Variants in GLG1 observed in about 807,000 individuals in gnomAD.
The protein encoded by GLG1 is Golgi apparatus protein 1.
Under a neutral mutation model 160.5 loss-of-function variants are expected in GLG1, and 38 were observed. The ratio of observed to expected loss-of-function variants is 0.24; its 90% confidence interval spans 0.18 to 0.31. The LOEUF (loss-of-function observed/expected upper bound fraction) is 0.31. Ranked by LOEUF, GLG1 falls within the 10% of genes least tolerant of loss-of-function variation. The probability of loss-of-function intolerance (pLI) is 1.00; values close to 1 mark genes in which losing one functional copy is unlikely to be tolerated. For missense variants in GLG1, 1,373 were observed against 1,505.2 expected, an observed-to-expected ratio of 0.91 and a Z score of 1.45; for synonymous variants, 644 against 543.4, an observed-to-expected ratio of 1.19 and a Z score of -2.57.
At chr16:74,460,830 G>C (rs1250277846) in intron 22 of GLG1, among the ~76,000 whole-genome samples, 3 of 152,226 alleles carry the variant, frequency 2.0e-5, no homozygotes, top group African/African-American at 7.2e-5. Flanking sequence ...TGATTCCACA[G>C]GAGCAAGGTT....
chr16:74,470,171 A>G (rs2015145457), intron 15 of GLG1, 98 bp from the exon 16 acceptor site: 1 of 764,192 alleles, frequency 1.3e-6, no homozygotes, highest in Admixed American at 1.8e-5. Flanking sequence ...AAGCCTGTTT[A>G]CAAGACCCTG....
intron 2 of GLG1, among the ~76,000 whole-genome samples, chr16:74,520,596 A>G (rs2017131412): frequency 6.6e-6 from 1 of 152,200 alleles, no homozygotes; most frequent in Non-Finnish European, 1.5e-5. Context: ...AGATCACACC[A>G]TTGCACTCCA....
intron 2 of GLG1, among the ~76,000 whole-genome samples, chr16:74,528,378 T>C (rs1473103127): frequency 6.6e-6 from 1 of 152,178 alleles, no homozygotes; most frequent in African/African-American, 2.4e-5. Context: ...ATTTTACATT[T>C]ATTGTTTCAT....
rs528626416 is a variant in GLG1 at position 74,543,098 on chromosome 16, G to A, written c.439-10945C>T. On this transcript the variant is annotated intron_variant, in intron 1 of 25. Transcript: ENST00000422840. ...TGTTTACTTGAACTGGCCTAAGCAA[G>A]AGCAAATAGGGCTGAGCTGCCAGAA... 2.4e-3 allele frequency among the ~76,000 whole-genome samples: 369 copies of A among 151,990 alleles called. 5 individuals carry two copies. The highest frequency in any genetic ancestry group is 5.4e-3 in the South Asian group (26 of 4,806).
chr16:74,535,037 A>G (rs1216422214), intron 1 of GLG1, among the ~76,000 whole-genome samples: 2 of 152,188 alleles, frequency 1.3e-5, no homozygotes, highest in Non-Finnish European at 2.9e-5. Context: ...AGAACATGGT[A>G]GTACAAAGAA....
In GLG1 at chr16:74,496,609, C is replaced by A; in HGVS notation, c.810G>T (p.Leu270Phe). The A allele has an allele frequency of 1.2e-6, 2 of 1,612,858 alleles. No homozygotes were observed. Among genetic ancestry groups the A allele is most frequent in the Non-Finnish European group, 1.7e-6 (2 of 1,179,056 alleles). Reference sequence around the variant, plus strand: ...CTGCTTCTTTCACCAGGCCTTTCTCCAAGCATGATACCACCTCACCTTGTG... The same window carrying A: ...CTGCTTCTTTCACCAGGCCTTTCTCAAAGCATGATACCACCTCACCTTGTG... ...AHSQGEVVSC[L>F]EKGLVKEAEE... Residue 270 changes from leucine (L) to phenylalanine (F), a missense_variant, in exon 5 of 26, where the codon TTG becomes TTT. Leu to Phe is a conservative substitution (Grantham distance 22). This residue lies in a region of GLG1 where 174 missense variants were observed against 229.9 expected (regional missense o/e 0.76). Coordinates refer to ENST00000422840, the MANE Select transcript of GLG1 (RefSeq NM_001145667.2).
In GLG1 at chr16:74,485,887, C is replaced by G; in HGVS notation, c.1480G>C (p.Gly494Arg). 1 of 1,611,938 alleles carries G rather than the reference C, an allele frequency of 6.2e-7. No homozygotes were observed. Among genetic ancestry groups the G allele is most frequent in the Non-Finnish European group, 8.5e-7 (1 of 1,178,200 alleles). The change falls in exon 9 of 26, where the codon GGT becomes CGT. Residue 494 changes from glycine to arginine, a missense_variant. Around this residue, in one of 4 missense-constraint regions of GLG1, gnomAD observed 386 missense variants for 388.5 expected, o/e 0.99. Coordinates refer to ENST00000422840, the MANE Select transcript of GLG1 (RefSeq NM_001145667.2). ...LQTLIQETDP[G>R]ADYRIDRALN... ...GCTCGATCAATGCGGTAATCTGCAC[C>G]AGGGTCAGTCTCCTGAATCAGTGTT... is the stretch of plus-strand genomic sequence containing the variant.
intron 1 of GLG1, among the ~76,000 whole-genome samples, chr16:74,570,084 T>C (rs996485497): frequency 6.6e-6 from 1 of 151,896 alleles, no homozygotes; most frequent in Admixed American, 6.6e-5. Flanking sequence ...CATAATTTTA[T>C]TGAAAAGACA....
At position 74,453,254 on chromosome 16, in the gene GLG1, G is replaced by C. The variant is rs372790552; in HGVS notation, c.3453C>G (p.Ile1151Met). The change falls in exon 26 of 26, where the codon ATC (isoleucine) becomes ATG (methionine). Residue 1151 changes from isoleucine (I) to methionine (M), a missense_variant. Around this residue, in one of 4 missense-constraint regions of GLG1, gnomAD observed 491 missense variants for 632.1 expected, o/e 0.78. Transcript: ENST00000422840. The part of the protein sequence containing the change: ...SPSKNYILSV[I>M]SGSICILFLI... ...GGAACAATATACAGATGCTCCCACT[G>C]ATCACAGAGAGAATGTAGTTCTTAG... 3.7e-6 allele frequency: 6 copies of C among 1,613,208 alleles called. No homozygotes were observed. In the African/African-American group the frequency reaches 6.7e-5, roughly 18 times the overall value.
At chr16:74,503,076 G>A (rs764691348) in intron 4 of GLG1, among the ~76,000 whole-genome samples, 86 of 151,832 alleles carry the variant, frequency 5.7e-4, no homozygotes, top group Non-Finnish European at 1.0e-3. Context: ...GCGTGGTGGT[G>A]CATGCCTGTA....
chr16:74,559,196 A>T (rs1340147632), intron 1 of GLG1, among the ~76,000 whole-genome samples: 1 of 152,038 alleles, frequency 6.6e-6, no homozygotes, highest in Admixed American at 6.6e-5. Context: ...GAGGTATCTG[A>T]GTACATTTCC....
rs371713178 is a variant in GLG1, at chr16:74,491,124, T to C, written c.1326A>G (p.Leu442=). 6.2e-7 allele frequency: 1 copy of C among 1,613,996 alleles called. No homozygotes were observed. Among genetic ancestry groups the C allele is most frequent in the East Asian group, 2.2e-5 (1 of 44,890 alleles). ...GGTGTTCAATCTCCCCCCGACAGCT[T>C]AGGATGATCTCAGGGCTCAGAGAAA... The part of the protein sequence containing the change: ...EDFSLSPEII[L]SCRGEIEHHC... The change falls in exon 8 of 26, where the codon CTA becomes CTG. Residue 442 remains leucine (L), a synonymous_variant. Transcript: ENST00000422840.
At chr16:74,486,923 T>TCC (rs1470752326) in intron 8 of GLG1, among the ~76,000 whole-genome samples, 80 of 133,054 alleles carry the variant, frequency 6.0e-4, no homozygotes, top group Non-Finnish European at 8.3e-4. Flanking sequence ...TCTTTTTTTT[T>TCC]TCCCCCCCGA....
At chr16:74,504,230 A>G (rs1205507509) in intron 3 of GLG1, among the ~76,000 whole-genome samples, 1 of 152,178 alleles carries the variant, frequency 6.6e-6, no homozygotes, top group Non-Finnish European at 1.5e-5. Context: ...TGTTAGGCAA[A>G]CCTAAGGGCC....
At chr16:74,570,022 A>C (rs1597357560) in intron 1 of GLG1, among the ~76,000 whole-genome samples, 2 of 152,038 alleles carry the variant, frequency 1.3e-5, no homozygotes, top group South Asian at 2.1e-4. Context: ...TCTCAAAAAA[A>C]AGAAAAGGAA....
At chr16:74,463,735 G>T (rs76911802) in intron 19 of GLG1, among the ~76,000 whole-genome samples, 40,284 of 140,916 alleles carry the variant, frequency 0.29, 5,752 homozygotes, top group Middle Eastern at 0.36. Context: ...TGTTTTTTTT[G>T]TTGTTGTTGT....
intron 1 of GLG1, among the ~76,000 whole-genome samples, chr16:74,575,526 A>G (rs532829009): frequency 3.0e-4 from 46 of 152,340 alleles, no homozygotes; most frequent in African/African-American, 1.1e-3. Flanking sequence ...TACCAATATT[A>G]GAACTCAACC....
At chr16:74,461,168 CTTT>C (rs760396989) in intron 22 of GLG1, among the ~76,000 whole-genome samples, 7 of 141,528 alleles carry the variant, frequency 4.9e-5, no homozygotes, top group African/African-American at 7.7e-5. Flanking sequence ...TATAGAATTA[CTTT>C]TTTTTTTTTT....
At chr16:74,552,145 G>A (rs1486674019) in intron 1 of GLG1, 10 of 321,858 alleles carry the variant, frequency 3.1e-5, no homozygotes, top group Middle Eastern at 1.0e-3. Context: ...TGTCTTCTAC[G>A]GGATGGATTA....
Sources: allele counts gnomAD v4.1 joint callset (sites outside exome capture counted in the v4.1 genomes callset), GRCh38; gene constraint gnomAD v4.1.1; regional missense constraint gnomAD v4.1.1; transcripts MANE v1.5; gene names NCBI Gene and HGNC (gene_info 2026-07-23, HGNC 2026-07-21).